Variants in GABPB1 observed in about 807,000 individuals in gnomAD.
GABPB1 encodes GA-binding protein subunit beta-1.
Under a neutral mutation model 45.9 loss-of-function variants are expected in GABPB1, and 15 were observed. That is an observed-to-expected ratio of 0.33 (90% CI 0.22 to 0.50). GABPB1 has a LOEUF of 0.50. Among genes scored for constraint, GABPB1 ranks in the 20% least tolerant of loss-of-function variants. The pLI is 0.98. For missense variants in GABPB1, 252 were observed against 457.5 expected, an observed-to-expected ratio of 0.55 and a Z score of 4.10; for synonymous variants, 143 against 154.4, an observed-to-expected ratio of 0.93 and a Z score of 0.55.
At chr15:50,341,338 GC>G (rs2048370206) in intron 1 of GABPB1, among the ~76,000 whole-genome samples, 2 of 152,074 alleles carry the variant, frequency 1.3e-5, no homozygotes, top group South Asian at 4.2e-4. Context: ...TTCGAGACGA[GC>G]CTGACCAACA....
At chr15:50,351,071 G>T (rs1303808719) in intron 1 of GABPB1, 1 of 152,158 alleles carries the variant, frequency 6.6e-6, no homozygotes, top group Non-Finnish European at 1.5e-5. Context: ...AAAAATTAAG[G>T]TCCGTTCCTA....
At chr15:50,286,005 C>CA (rs760015878) in intron 8 of GABPB1, 63 bp downstream of exon 8, 268 of 1,577,424 alleles carry the variant, frequency 1.7e-4, no homozygotes, top group East Asian at 3.4e-4. Context: ...ATATAAAAGA[C>CA]AAAAAAAATT....
chr15:50,339,150 C>T (rs750814425), intron 1 of GABPB1, among the ~76,000 whole-genome samples: 21 of 152,104 alleles, frequency 1.4e-4, no homozygotes, highest in Non-Finnish European at 2.4e-4. Context: ...GAAACCCTGT[C>T]TGTACTAAAA....
chr15:50,280,491 C>T (rs1216882784), intron 8 of GABPB1, among the ~76,000 whole-genome samples: 1 of 152,156 alleles, frequency 6.6e-6, no homozygotes, highest in Non-Finnish European at 1.5e-5. Flanking sequence ...GTGACTCACA[C>T]CTTAATGCCA....
At chr15:50,334,030 C>CA (rs34377380) in intron 1 of GABPB1, among the ~76,000 whole-genome samples, 63,152 of 125,268 alleles carry the variant, frequency 0.5, 15,996 homozygotes, top group Middle Eastern at 0.69. Context: ...AACTCGATCT[C>CA]AAAAAAAAAA....
intron 1 of GABPB1, among the ~76,000 whole-genome samples, chr15:50,330,907 G>A (rs2047927443): frequency 6.6e-6 from 1 of 152,212 alleles, no homozygotes; most frequent in African/African-American, 2.4e-5. Context: ...TAAACGGTAT[G>A]AAGAAAAAGT....
At chr15:50,350,951 C>G (rs940902299) in intron 1 of GABPB1, 4 of 152,132 alleles carry the variant, frequency 2.6e-5, no homozygotes, top group African/African-American at 7.2e-5. Context: ...GTCAAACATC[C>G]CATTTTTTCA....
intron 6 of GABPB1, among the ~76,000 whole-genome samples, chr15:50,296,949 T>C (rs1179945090): frequency 6.7e-6 from 1 of 148,840 alleles, no homozygotes; most frequent in Non-Finnish European, 1.5e-5. Context: ...CTCCCTGTGT[T>C]GCCCAGGCTG....
At chr15:50,304,460 C>T (rs904288366) in intron 2 of GABPB1, among the ~76,000 whole-genome samples, 1 of 152,162 alleles carries the variant, frequency 6.6e-6, no homozygotes, top group African/African-American at 2.4e-5. Context: ...CCTGTAATCC[C>T]AGCACTTTGG....
chr15:50,325,862 A>G (rs1488414809), intron 1 of GABPB1, among the ~76,000 whole-genome samples: 1 of 151,758 alleles, frequency 6.6e-6, no homozygotes, highest in Non-Finnish European at 1.5e-5. Flanking sequence ...CTAACTTCAG[A>G]ATATGCAAGA....
chr15:50,287,776 C>T (rs2046215999), intron 7 of GABPB1, among the ~76,000 whole-genome samples: 1 of 152,158 alleles, frequency 6.6e-6, no homozygotes, highest in South Asian at 2.1e-4. Flanking sequence ...TTCTTTAATG[C>T]TTTGTGAAAG....
At chr15:50,354,567 C>T (rs1208621257) in intron 1 of GABPB1, 3 of 449,752 alleles carry the variant, frequency 6.7e-6, no homozygotes, top group African/African-American at 2.1e-5. Flanking sequence ...GCCTGCCTTC[C>T]TCTTTCTCCC....
chr15:50,316,978 T>G (rs1029189336), intron 1 of GABPB1, among the ~76,000 whole-genome samples: 2 of 152,044 alleles, frequency 1.3e-5, no homozygotes, highest in African/African-American at 4.8e-5. Context: ...TCAGTACAGA[T>G]CTCTAAAAGA....
At chr15:50,297,827 C>A (rs932874842) in intron 6 of GABPB1, among the ~76,000 whole-genome samples, 3 of 152,192 alleles carry the variant, frequency 2.0e-5, no homozygotes, top group Non-Finnish European at 4.4e-5. Context: ...CAGAGTGAGA[C>A]CCTGTCTCCA....
Position 50,349,242 on chromosome 15 carries a change from G to A in GABPB1, c.-1+5743C>T, listed in dbSNP as rs1478342940. 1.3e-5 allele frequency: 2 copies of A among 151,998 alleles called. 1 individual carries two copies. The highest frequency in any genetic ancestry group is 2.9e-5 in the Non-Finnish European group (2 of 67,994). 9.4% of individuals were successfully genotyped at this position (151,998 alleles called of 1,614,324 possible). A position where few individuals can be genotyped will look rare whatever the true frequency, so the allele number is the denominator to read the frequency against. On this transcript the variant is annotated intron_variant, in intron 1 of 8. Transcript: ENST00000380877. The stretch of plus-strand genomic sequence containing the variant: ...GATATTGCACTGGACTCTATTGGAA[G>A]GCTACACATTACTACCTTGCCCATA...
At chr15:50,334,985 T>C (rs2048070937) in intron 1 of GABPB1, among the ~76,000 whole-genome samples, 1 of 152,220 alleles carries the variant, frequency 6.6e-6, no homozygotes, top group Admixed American at 6.5e-5. Context: ...TCTTTGACTA[T>C]GTGCTGATTA....
At chr15:50,280,559 T>G (rs1328967511) in intron 8 of GABPB1, among the ~76,000 whole-genome samples, 1 of 152,084 alleles carries the variant, frequency 6.6e-6, no homozygotes, top group Non-Finnish European at 1.5e-5. Flanking sequence ...GAGACAAGCC[T>G]GGGCAACATG....
At position 50,278,447 on chromosome 15, in the gene GABPB1, C is replaced by A; in HGVS notation, c.*185G>T. 5 of 378,948 alleles carry A rather than the reference C, an allele frequency of 1.3e-5. No individual in the cohort carries two copies. The highest frequency in any genetic ancestry group is 4.4e-5 in the Admixed American group (1 of 22,648). 23.5% of individuals were successfully genotyped at this position (378,948 alleles called of 1,614,324 possible). Reference sequence around the variant, plus strand: ...TATTTACAGAATTCAGTTTTAAATACATTTCACAACTTCTAAAGTAAAGTT... The same window carrying A: ...TATTTACAGAATTCAGTTTTAAATAAATTTCACAACTTCTAAAGTAAAGTT... On this transcript the variant is annotated 3_prime_UTR_variant, in exon 9 of 9. Transcript: ENST00000380877.
intron 1 of GABPB1, among the ~76,000 whole-genome samples, chr15:50,325,974 C>T (rs1326474787): frequency 6.6e-6 from 1 of 151,316 alleles, no homozygotes; most frequent in African/African-American, 2.4e-5. Context: ...ATGGCACGAT[C>T]TCAGCTCACT....
Sources: allele counts gnomAD v4.1 joint callset (sites outside exome capture counted in the v4.1 genomes callset), GRCh38; gene constraint gnomAD v4.1.1; transcripts MANE v1.5; gene names NCBI Gene and HGNC (gene_info 2026-07-23, HGNC 2026-07-21).